PDE10A: variants seen among roughly 807,000 people sequenced by gnomAD.
PDE10A encodes the protein cAMP and cAMP-inhibited cGMP 3',5'-cyclic phosphodiesterase 10A.
PDE10A carries 39 observed loss-of-function variants against 97.7 expected under a neutral mutation model. The observed-to-expected ratio is 0.40, with a 90% CI of 0.31 to 0.52. The LOEUF is 0.52. Ranked by LOEUF, PDE10A falls within the 20% of genes least tolerant of loss-of-function variation. The pLI, the probability that PDE10A is intolerant of heterozygous loss-of-function variation, is 0.56. For missense variants in PDE10A, 731 were observed against 1,047.8 expected, an observed-to-expected ratio of 0.70 and a Z score of 4.17; for synonymous variants, 371 against 376.8, an observed-to-expected ratio of 0.98 and a Z score of 0.18.
chr6:165,827,991 C>A (rs1213824769), intron 1 of PDE10A, among the ~76,000 whole-genome samples: 10 of 152,194 alleles, frequency 6.6e-5, no homozygotes, highest in African/African-American at 2.4e-4. Flanking sequence ...TCATTAACTG[C>A]TGGCCCCACA....
At chr6:165,609,990 C>T (rs1253349988) in intron 1 of PDE10A, among the ~76,000 whole-genome samples, 3 of 152,152 alleles carry the variant, frequency 2.0e-5, no homozygotes, top group Non-Finnish European at 4.4e-5. Context: ...ACTTTCTTCA[C>T]AGAATTGGAA....
chr6:165,531,576 A>C (rs1388987267), intron 2 of PDE10A, among the ~76,000 whole-genome samples: 1 of 152,170 alleles, frequency 6.6e-6, no homozygotes, highest in Non-Finnish European at 1.5e-5. Context: ...ACAACAAAAA[A>C]TTTCCAGATG....
At chr6:165,732,022 G>C (rs138423765) in intron 1 of PDE10A, among the ~76,000 whole-genome samples, 1 of 152,158 alleles carries the variant, frequency 6.6e-6, no homozygotes, top group Non-Finnish European at 1.5e-5. Flanking sequence ...ACCCAGCCCT[G>C]TCACTGGATG....
intron 1 of PDE10A, among the ~76,000 whole-genome samples, chr6:165,956,220 G>A (rs765714089): frequency 8.5e-5 from 13 of 152,132 alleles, no homozygotes; most frequent in South Asian, 2.1e-4. Flanking sequence ...CAAATCTAGA[G>A]CCTGGAGAGC....
At chr6:165,357,240 G>C (rs547469187) in intron 18 of PDE10A, among the ~76,000 whole-genome samples, 3 of 152,138 alleles carry the variant, frequency 2.0e-5, no homozygotes, top group Admixed American at 1.3e-4. Context: ...ATATGATCTT[G>C]TTATATGTGA....
intron 1 of PDE10A, among the ~76,000 whole-genome samples, chr6:165,898,378 G>A (rs528280818): frequency 4.1e-4 from 63 of 152,162 alleles, no homozygotes; most frequent in Non-Finnish European, 8.7e-4. Flanking sequence ...TCGGGTCATG[G>A]TGCCAAGGTG....
At chr6:165,431,635 T>TAC (rs60779977) in intron 7 of PDE10A, among the ~76,000 whole-genome samples, 163 bp from the exon 8 acceptor site, 98 of 135,164 alleles carry the variant, frequency 7.3e-4, no homozygotes, top group Admixed American at 9.9e-4. Context: ...TATATATATA[T>TAC]ACACACACAC....
intron 1 of PDE10A, among the ~76,000 whole-genome samples, chr6:165,975,153 C>T (rs1047933012): frequency 1.4e-4 from 21 of 152,210 alleles, no homozygotes; most frequent in African/African-American, 5.1e-4. Flanking sequence ...AACCGCCTTT[C>T]ACTTAAGTTT....
At chr6:165,837,432 T>C (rs1407855207) in intron 1 of PDE10A, among the ~76,000 whole-genome samples, 2 of 152,210 alleles carry the variant, frequency 1.3e-5, no homozygotes, top group East Asian at 3.8e-4. Context: ...TTTCTTCCTT[T>C]CTCTGCTTTC....
intron 1 of PDE10A, chr6:165,940,371 T>A (rs1783472366): frequency 6.6e-6 from 1 of 152,238 alleles, no homozygotes; most frequent in Non-Finnish European, 1.5e-5. Flanking sequence ...CGCGGGCAGC[T>A]ACTTGCCAAC....
chr6:165,780,429 T>C (rs568406612), intron 1 of PDE10A: 1 of 152,250 alleles, frequency 6.6e-6, no homozygotes, highest in Non-Finnish European at 1.5e-5. Flanking sequence ...GCCTGTTTTA[T>C]GGAGAATAAA....
chr6:165,672,603 G>A (rs140769417), intron 1 of PDE10A, among the ~76,000 whole-genome samples: 8 of 152,280 alleles, frequency 5.3e-5, no homozygotes, highest in African/African-American at 1.9e-4. Context: ...CATGAAGGCA[G>A]TTTCCCCCAT....
intron 1 of PDE10A, among the ~76,000 whole-genome samples, chr6:165,588,793 TC>T (rs1293330628): frequency 6.6e-6 from 1 of 152,162 alleles, no homozygotes; most frequent in Non-Finnish European, 1.5e-5. Context: ...GAATCTCTAA[TC>T]CACCACTTAT....
At chr6:165,480,190 A>T (rs1340366207) in intron 3 of PDE10A, among the ~76,000 whole-genome samples, 1 of 152,238 alleles carries the variant, frequency 6.6e-6, no homozygotes, top group Non-Finnish European at 1.5e-5. Flanking sequence ...CATAATCCCT[A>T]TACTCAAAGG....
intron 1 of PDE10A, among the ~76,000 whole-genome samples, chr6:165,883,969 C>T (rs1371714853): frequency 2.0e-5 from 3 of 152,106 alleles, no homozygotes; most frequent in Non-Finnish European, 4.4e-5. Context: ...CCAGGTATGC[C>T]GACTCCGGAG....
intron 1 of PDE10A, among the ~76,000 whole-genome samples, chr6:165,738,975 G>A (rs1792651397): frequency 6.6e-6 from 1 of 152,154 alleles, no homozygotes; most frequent in Non-Finnish European, 1.5e-5. Context: ...ACAGAACATT[G>A]ATAAAAGAAA....
intron 21 of PDE10A, 32 bp downstream of exon 21, chr6:165,336,091 A>C (rs376748454): frequency 1.3e-6 from 2 of 1,490,210 alleles, no homozygotes; most frequent in African/African-American, 2.8e-5. Flanking sequence ...TGTTGGAAAC[A>C]ATATTTTTAC....
At chr6:165,842,749 T>C (rs369423819) in intron 1 of PDE10A, among the ~76,000 whole-genome samples, 1 of 152,320 alleles carries the variant, frequency 6.6e-6, no homozygotes, top group South Asian at 2.1e-4. Flanking sequence ...AACTTGCCGA[T>C]AGTCACACAG....
chr6:165,406,632 A>G (rs1055973298), intron 13 of PDE10A, among the ~76,000 whole-genome samples: 1 of 152,122 alleles, frequency 6.6e-6, no homozygotes, highest in African/African-American at 2.4e-5. Flanking sequence ...CTAAGTGTCA[A>G]CTTGACTGGG....
Sources: allele counts gnomAD v4.1 joint callset (sites outside exome capture counted in the v4.1 genomes callset), GRCh38; gene constraint gnomAD v4.1.1; transcripts MANE v1.5; gene names NCBI Gene and HGNC (gene_info 2026-07-23, HGNC 2026-07-21).